TOGARAM1: variants seen among roughly 807,000 people sequenced by gnomAD.
TOGARAM1 encodes the protein TOG array regulator of axonemal microtubules 1, also known as TOG array regulator of axonemal microtubules protein 1.
A neutral mutation model predicts 166.6 loss-of-function variants in TOGARAM1; 100 were observed. The observed-to-expected ratio is 0.60, with a 90% CI of 0.51 to 0.71. The LOEUF (loss-of-function observed/expected upper bound fraction) is 0.71. TOGARAM1 is among the 30% of genes least tolerant of loss of function. The pLI is 0.00. For missense variants in TOGARAM1, 2,029 were observed against 2,102.7 expected (o/e 0.96, Z 0.69); for synonymous variants, 758 against 763.8 (o/e 0.99, Z 0.13).
rs1026212289 is a variant in TOGARAM1 at position 44,989,925 on chromosome 14, A to G, written c.2047-5821A>G. ...TGGAAGGAGAAGAGGCACATCTTAC[A>G]TGGCAGCAGGTGAGAGAGAGCGAAT... On this transcript the variant is annotated intron_variant, in intron 1 of 19. Transcript: ENST00000361462. 2.6e-5 allele frequency among the ~76,000 whole-genome samples: 4 copies of G among 152,196 alleles called. No homozygotes were observed. The East Asian group carries it at 5.8e-4, about 22-fold the overall frequency.
At chr14:45,054,083 C>A (rs1882513683) in intron 15 of TOGARAM1, among the ~76,000 whole-genome samples, 1 of 151,984 alleles carries the variant, frequency 6.6e-6, no homozygotes, top group Admixed American at 6.6e-5. Flanking sequence ...GTTGGCCAGG[C>A]TGGTATCAAA....
intron 1 of TOGARAM1, chr14:44,995,477 C>T: frequency 2.0e-6 from 1 of 489,362 alleles, no homozygotes; most frequent in South Asian, 1.5e-5. Flanking sequence ...TCTCTCCTTC[C>T]TTGTTGCCAG....
rs990688394 is a variant in TOGARAM1, at chr14:45,049,834, T to TA, written c.4314-2591dup. On this transcript the variant is annotated intron_variant, in intron 14 of 19. Coordinates refer to ENST00000361462, the MANE Select transcript of TOGARAM1 (RefSeq NM_001308120.2). ...CTTTTCTCCCTCTCTATCACCTTGT[T>TA]AAAAAAAAAAAGATTTCTTAATGGC... Among the ~76,000 whole-genome samples, 379 of 147,094 alleles carry TA rather than the reference T, an allele frequency of 2.6e-3. 1 individual carries two copies. The highest frequency in any genetic ancestry group is 8.2e-3 in the African/African-American group (331 of 40,276).
In TOGARAM1 at chr14:45,008,901, A is replaced by T. The variant is rs1053905103; in HGVS notation, c.2905-12A>T. On this transcript the variant is annotated splice_polypyrimidine_tract_variant and intron_variant, in intron 5 of 19. Transcript: ENST00000361462. Reference sequence around the variant, plus strand: ...TTATGTTATAAAGTTTATTGTTTTCATTTTTTCTTAGATGCATAGCTCTCT... The same window carrying T: ...TTATGTTATAAAGTTTATTGTTTTCTTTTTTTCTTAGATGCATAGCTCTCT... 6.3e-7 allele frequency: 1 copy of T among 1,582,726 alleles called. No homozygotes were observed. Among genetic ancestry groups the T allele is most frequent in the South Asian group, 1.2e-5 (1 of 86,326 alleles).
At chr14:44,973,561 T>C (rs1024434950) in intron 1 of TOGARAM1, among the ~76,000 whole-genome samples, 18 of 151,094 alleles carry the variant, frequency 1.2e-4, no homozygotes, top group African/African-American at 4.4e-4. Flanking sequence ...CCTTTACTTA[T>C]TCTCCTCCAG....
At chr14:45,006,483 G>T in intron 5 of TOGARAM1, 1 of 386,802 alleles carries the variant, frequency 2.6e-6, no homozygotes, top group Non-Finnish European at 4.7e-6. Context: ...ACACTCTACT[G>T]TATTTTCTTC....
chr14:45,067,531 C>T (rs939016640), intron 17 of TOGARAM1, among the ~76,000 whole-genome samples: 21 of 151,952 alleles, frequency 1.4e-4, no homozygotes, highest in Non-Finnish European at 5.9e-5. Context: ...GAATTTAGTT[C>T]AGTTAATTCT....
At chr14:45,027,110 G>T (rs1249172039) in intron 8 of TOGARAM1, among the ~76,000 whole-genome samples, 189 bp from the exon 9 acceptor site, 1 of 152,098 alleles carries the variant, frequency 6.6e-6, no homozygotes, top group Non-Finnish European at 1.5e-5. Flanking sequence ...ATCATGAACT[G>T]CATTCTGCCA....
chr14:45,021,354 G>A (rs925386448), intron 7 of TOGARAM1, among the ~76,000 whole-genome samples: 1 of 152,140 alleles, frequency 6.6e-6, no homozygotes, highest in African/African-American at 2.4e-5. Flanking sequence ...ATATGATGGG[G>A]CATCAATATT....
intron 1 of TOGARAM1, among the ~76,000 whole-genome samples, chr14:44,993,951 T>C (rs1253196190): frequency 6.6e-6 from 1 of 152,280 alleles, no homozygotes; most frequent in African/African-American, 2.4e-5. Context: ...ATGTTAGCTG[T>C]ATTAATACAT....
chr14:44,994,562 G>C (rs551306343), intron 1 of TOGARAM1, among the ~76,000 whole-genome samples: 44 of 152,186 alleles, frequency 2.9e-4, no homozygotes, highest in African/African-American at 8.4e-4. Flanking sequence ...GGGACGACAG[G>C]CACATGCCAC....
chr14:45,059,823 G>A (rs1594702192), intron 16 of TOGARAM1, among the ~76,000 whole-genome samples: 1 of 152,056 alleles, frequency 6.6e-6, no homozygotes, highest in East Asian at 1.9e-4. Context: ...AAAGCTGTAT[G>A]TGAAAATATA....
intron 7 of TOGARAM1, among the ~76,000 whole-genome samples, chr14:45,021,618 A>C (rs770266268): frequency 6.6e-5 from 10 of 151,456 alleles, no homozygotes; most frequent in Non-Finnish European, 1.0e-4. Flanking sequence ...TTCTTTTGGC[A>C]GTAGCCAGGG....
intron 1 of TOGARAM1, among the ~76,000 whole-genome samples, chr14:44,994,533 C>G (rs1488632001): frequency 6.6e-6 from 1 of 152,040 alleles, no homozygotes; most frequent in Non-Finnish European, 1.5e-5. Flanking sequence ...ATCCTCCTAC[C>G]TCAGCCTCCC....
Position 44,965,905 on chromosome 14 carries a change from C to T in TOGARAM1, c.2046+1438C>T, listed in dbSNP as rs181636249. On this transcript the variant is annotated intron_variant, in intron 1 of 19. Coordinates refer to ENST00000361462, the MANE Select transcript of TOGARAM1 (RefSeq NM_001308120.2). ...TTTTTTTTTTTTTGAGATGGAGTCT[C>T]GCCCTGTTGCCCAGGCTGGAGCGCA... Among the ~76,000 whole-genome samples the T allele has an allele frequency of 1.4e-4, 19 of 135,330 alleles. No individual in the cohort carries two copies. In the Admixed American group the frequency reaches 1.5e-3, roughly 11 times the overall value. 88.8% of individuals were successfully genotyped at this position (135,330 alleles called of 152,430 possible).
chr14:45,039,084 G>A (rs1027075197), intron 11 of TOGARAM1, among the ~76,000 whole-genome samples: 1 of 151,884 alleles, frequency 6.6e-6, no homozygotes, highest in Non-Finnish European at 1.5e-5. Context: ...TCCACAGGCA[G>A]GTCGTTTTGG....
Position 45,032,343 on chromosome 14 carries a change from C to G in TOGARAM1, c.3779C>G (p.Thr1260Arg). Residue 1260 changes from threonine (T) to arginine (R), a missense_variant, in exon 11 of 20, where the codon ACA becomes AGA. Coordinates refer to ENST00000361462, the MANE Select transcript of TOGARAM1 (RefSeq NM_001308120.2). ...RPFSKPEIAL[T>R]EALRLLADED... Reference sequence around the variant, plus strand: ...TTCTCTAAACCAGAAATAGCACTGACAGAAGCCCTGAGGCTTTTGGCTGAT... The same window carrying G: ...TTCTCTAAACCAGAAATAGCACTGAGAGAAGCCCTGAGGCTTTTGGCTGAT... 1 of 1,614,050 alleles carries G rather than the reference C, an allele frequency of 6.2e-7. No individual in the cohort carries two copies. Among genetic ancestry groups the G allele is most frequent in the South Asian group, 1.1e-5 (1 of 91,042 alleles).
intron 14 of TOGARAM1, among the ~76,000 whole-genome samples, chr14:45,047,674 C>A (rs1291678170): frequency 4.6e-5 from 7 of 152,084 alleles, no homozygotes; most frequent in African/African-American, 1.2e-4. Flanking sequence ...TACTTAATTT[C>A]TGTTAGTCTC....
intron 11 of TOGARAM1, 51 bp downstream of exon 11, chr14:45,032,427 G>C (rs1396253702): frequency 1.1e-5 from 17 of 1,480,524 alleles, no homozygotes; most frequent in Non-Finnish European, 1.6e-5. Context: ...AAAGCTTTCT[G>C]TAAATATTTA....
Sources: allele counts gnomAD v4.1 joint callset (sites outside exome capture counted in the v4.1 genomes callset), GRCh38; gene constraint gnomAD v4.1.1; transcripts MANE v1.5; gene names NCBI Gene and HGNC (gene_info 2026-07-23, HGNC 2026-07-21).